The following SNAPC1 variants were observed in gnomAD, a reference collection of about 807,000 sequenced individuals.
SNAPC1 encodes snRNA-activating protein complex subunit 1.
SNAPC1 carries 42 observed loss-of-function variants against 50.1 expected under a neutral mutation model. The ratio of observed to expected loss-of-function variants is 0.84; its 90% CI spans 0.65 to 1.08. The LOEUF (loss-of-function observed/expected upper bound fraction) is 1.08. SNAPC1 is among the 50% of genes least tolerant of loss of function. SNAPC1 has a pLI of 0.00. For missense variants in SNAPC1, 477 were observed against 427.3 expected (o/e 1.12, Z -1.02); for synonymous variants, 164 against 144.2 (o/e 1.14, Z -0.98).
intron 7 of SNAPC1, 36 bp downstream of exon 7, chr14:61,778,946 A>T (rs745586132): frequency 8.7e-7 from 1 of 1,154,108 alleles, no homozygotes; most frequent in South Asian, 1.4e-5. Flanking sequence ...TTGGAAATTG[A>T]CTGCTTTTTA....
At chr14:61,794,233 GT>G (rs1227353235) in intron 9 of SNAPC1, among the ~76,000 whole-genome samples, 3 of 151,884 alleles carry the variant, frequency 2.0e-5, no homozygotes, top group African/African-American at 7.3e-5. Context: ...AGTACCCTGG[GT>G]TCATATAATT....
intron 1 of SNAPC1, among the ~76,000 whole-genome samples, chr14:61,764,624 A>G (rs2301117): frequency 0.19 from 28,492 of 152,150 alleles, 2,925 homozygotes; most frequent in African/African-American, 0.26. Flanking sequence ...GTTGGAAACT[A>G]TGTATCTGCC....
intron 8 of SNAPC1, among the ~76,000 whole-genome samples, chr14:61,791,470 C>T (rs2045151848): frequency 6.6e-6 from 1 of 151,994 alleles, no homozygotes; most frequent in Non-Finnish European, 1.5e-5. Flanking sequence ...AACACTGTAT[C>T]CTTAACATAA....
rs780740457 is a variant in SNAPC1 at position 61,766,859 on chromosome 14, TTCTC to T, written c.129-13_129-10del. 8 of 1,530,732 alleles carry T rather than the reference TTCTC, an allele frequency of 5.2e-6. No homozygotes were observed. In the African/African-American group the frequency reaches 9.6e-5, roughly 18 times the overall value. 94.8% of individuals were successfully genotyped at this position (1,530,732 alleles called of 1,614,324 possible). ...TTCACTTAATGAGTCGTAATATATT[TTCTC>T]TCTGTTTATTAGTGGCAGAATGAGA... On this transcript the variant is annotated splice_polypyrimidine_tract_variant and intron_variant, in intron 1 of 9. Transcript: ENST00000216294.
chr14:61,780,373 CAGG>C (rs2045063370), intron 7 of SNAPC1, among the ~76,000 whole-genome samples: 1 of 152,162 alleles, frequency 6.6e-6, no homozygotes, highest in African/African-American at 2.4e-5. Flanking sequence ...CTGTTTTGTA[CAGG>C]AGATCAGTTG....
chr14:61,793,473 G>C (rs967812906), intron 9 of SNAPC1, among the ~76,000 whole-genome samples: 4 of 151,836 alleles, frequency 2.6e-5, no homozygotes, highest in Non-Finnish European at 4.4e-5. Context: ...AAACTCCTGG[G>C]CTCAAGTGAT....
At chr14:61,784,028 A>AT (rs1350936449) in intron 8 of SNAPC1, among the ~76,000 whole-genome samples, 22 of 152,148 alleles carry the variant, frequency 1.4e-4, no homozygotes, top group Admixed American at 1.4e-3. Flanking sequence ...GCCTTTTAGC[A>AT]TTTTTTCCCC....
intron 4 of SNAPC1, among the ~76,000 whole-genome samples, chr14:61,771,531 AG>A (rs1314453438): frequency 3.9e-5 from 6 of 152,232 alleles, no homozygotes; most frequent in Non-Finnish European, 8.8e-5. Context: ...GAGTTTATGT[AG>A]AAAACTAAAT....
chr14:61,763,724 T>C (rs186402295), intron 1 of SNAPC1, among the ~76,000 whole-genome samples: 6 of 152,268 alleles, frequency 3.9e-5, no homozygotes, highest in Admixed American at 2.0e-4. Flanking sequence ...TGTAATGGTA[T>C]AGTTGAAAAG....
At chr14:61,771,871 T>C (rs976061602) in intron 4 of SNAPC1, among the ~76,000 whole-genome samples, 1 of 152,090 alleles carries the variant, frequency 6.6e-6, no homozygotes, top group African/African-American at 2.4e-5. Context: ...ACAGACCTGA[T>C]TGCCTGAACT....
At chr14:61,773,560 A>G (rs1235425101) in intron 4 of SNAPC1, among the ~76,000 whole-genome samples, 2 of 150,812 alleles carry the variant, frequency 1.3e-5, no homozygotes, top group African/African-American at 4.9e-5. Context: ...ATGCCCAGCT[A>G]ATTTTTTGTA....
chr14:61,768,617 G>A lies in SNAPC1; in HGVS notation c.430-19G>A. ...TGTTTAAAAGATACTCATTTAAAAA[G>A]ACACGTATTATCACATAGCTGTCAT... On this transcript the variant is annotated intron_variant, in intron 3 of 9. Transcript: ENST00000216294. 1 of 1,273,648 alleles carries A rather than the reference G, an allele frequency of 7.9e-7. No individual in the cohort carries two copies. Among genetic ancestry groups the A allele is most frequent in the Non-Finnish European group, 1.1e-6 (1 of 880,394 alleles). The allele number at this position is 1,273,648 out of a possible 1,614,324, so 78.9% of individuals were successfully genotyped here.
At chr14:61,764,878 AC>A (rs2044935373) in intron 1 of SNAPC1, among the ~76,000 whole-genome samples, 1 of 152,048 alleles carries the variant, frequency 6.6e-6, no homozygotes, top group African/African-American at 2.4e-5. Flanking sequence ...TCCTCCTACT[AC>A]CCCCTTCCCT....
In SNAPC1 at chr14:61,783,284, G is replaced by C. The variant is rs371917316; in HGVS notation, c.976+887G>C. 1.4e-3 allele frequency among the ~76,000 whole-genome samples: 218 copies of C among 151,834 alleles called. 2 individuals carry two copies. In the East Asian group the frequency reaches 0.015, roughly 11 times the overall value. ...GACCTCAGGTGATCCACCTGCCTTG[G>C]CTTCCCAAAGTGCTGAGATTACAGG... On this transcript the variant is annotated intron_variant, in intron 8 of 9. Coordinates refer to ENST00000216294, the MANE Select transcript of SNAPC1 (RefSeq NM_003082.4).
intron 5 of SNAPC1, among the ~76,000 whole-genome samples, chr14:61,777,565 G>A (rs552398884): frequency 2.2e-4 from 33 of 151,786 alleles, no homozygotes; most frequent in African/African-American, 8.0e-4. Flanking sequence ...TTTTTGTAGA[G>A]ACAGGGTCTT....
At chr14:61,766,543 T>G (rs977578189) in intron 1 of SNAPC1, among the ~76,000 whole-genome samples, 6 of 152,250 alleles carry the variant, frequency 3.9e-5, no homozygotes, top group Non-Finnish European at 8.8e-5. Context: ...TTTTTGGCAA[T>G]TGTATATTAA....
chr14:61,786,079 T>C (rs1337967597), intron 8 of SNAPC1, among the ~76,000 whole-genome samples: 2 of 152,182 alleles, frequency 1.3e-5, no homozygotes, highest in African/African-American at 2.4e-5. Flanking sequence ...GGGAACACTT[T>C]GCAGCTTACT....
intron 8 of SNAPC1, among the ~76,000 whole-genome samples, chr14:61,791,229 C>G (rs551467953): frequency 2.2e-4 from 34 of 152,192 alleles, no homozygotes; most frequent in African/African-American, 8.2e-4. Flanking sequence ...CCAGACTGGT[C>G]TCGAACTCCT....
chr14:61,778,067 T>A lies in SNAPC1; in HGVS notation c.694-5T>A. ...TGTGTGTATGTATCTTTTTTGCTCT[T>A]TTAGAATCCATCCTTAAAGTCAAAA... On this transcript the variant is annotated splice_polypyrimidine_tract_variant and splice_region_variant and intron_variant, in intron 5 of 9. Transcript: ENST00000216294. 6.4e-7 allele frequency: 1 copy of A among 1,551,578 alleles called. No individual in the cohort carries two copies. The highest frequency in any genetic ancestry group is 2.3e-5 in the East Asian group (1 of 44,006).
Sources: gnomAD v4.1 joint callset for allele counts (sites outside exome capture counted in the v4.1 genomes callset) on GRCh38, gnomAD v4.1.1 for gene constraint, MANE v1.5 for transcripts, NCBI Gene and HGNC (gene_info 2026-07-23, HGNC 2026-07-21) for gene names.